ACTR3B: variants seen among roughly 807,000 people sequenced by gnomAD.
The protein encoded by ACTR3B is actin related protein 3B.
A neutral mutation model predicts 59.0 loss-of-function variants in ACTR3B; 8 were observed. The ratio of observed to expected loss-of-function variants is 0.14; its 90% CI spans 0.08 to 0.24. ACTR3B has a LOEUF of 0.24. ACTR3B is among the 10% of genes least tolerant of loss of function. ACTR3B has a pLI of 1.00. For missense variants in ACTR3B, 245 were observed against 552.3 expected, an observed-to-expected ratio of 0.44 and a Z score of 5.58; for synonymous variants, 148 against 197.9, an observed-to-expected ratio of 0.75 and a Z score of 2.12.
chr7:152,761,670 G>C (rs2098089791), intron 1 of ACTR3B, among the ~76,000 whole-genome samples: 1 of 152,138 alleles, frequency 6.6e-6, no homozygotes, highest in Admixed American at 6.5e-5. Flanking sequence ...CGGTGGCAGG[G>C]AATCTCCATA....
intron 2 of ACTR3B, among the ~76,000 whole-genome samples, chr7:152,789,983 C>T (rs1338167613): frequency 7.0e-6 from 1 of 143,040 alleles, no homozygotes; most frequent in African/African-American, 2.6e-5. Context: ...TGGTTTTGGA[C>T]ATTTGTACTC....
intron 1 of ACTR3B, among the ~76,000 whole-genome samples, chr7:152,766,324 A>G (rs938478532): frequency 1.3e-5 from 2 of 152,204 alleles, no homozygotes; most frequent in East Asian, 3.9e-4. Flanking sequence ...CTCCTCAGAG[A>G]CACAGGGCCC....
At chr7:152,765,244 A>G (rs2098105540) in intron 1 of ACTR3B, among the ~76,000 whole-genome samples, 1 of 150,896 alleles carries the variant, frequency 6.6e-6, no homozygotes, top group South Asian at 2.1e-4. Context: ...CAGCCTCCCA[A>G]GTAGCTGGGA....
intron 9 of ACTR3B, among the ~76,000 whole-genome samples, chr7:152,840,343 G>T (rs567486157): frequency 6.6e-6 from 1 of 151,854 alleles, no homozygotes; most frequent in African/African-American, 2.4e-5. Context: ...AGAACCCACT[G>T]TGCTTGTCGC....
At chr7:152,795,070 T>C (rs1442655030) in intron 2 of ACTR3B, among the ~76,000 whole-genome samples, 2 of 151,664 alleles carry the variant, frequency 1.3e-5, no homozygotes, top group Non-Finnish European at 2.9e-5. Flanking sequence ...AGTCTCACTT[T>C]GTCACCCAGG....
intron 9 of ACTR3B, among the ~76,000 whole-genome samples, chr7:152,843,757 G>T (rs2116972379): frequency 6.6e-6 from 1 of 152,320 alleles, no homozygotes; most frequent in African/African-American, 2.4e-5. Flanking sequence ...AGCAAAATGG[G>T]AATAGGAACA....
At position 152,854,177 on chromosome 7, in the gene ACTR3B, T is replaced by G. The variant is rs1208970562; in HGVS notation, c.1162-281T>G. Among the ~76,000 whole-genome samples, 3 of 152,146 alleles carry G rather than the reference T, an allele frequency of 2.0e-5. No homozygotes were observed. The highest frequency in any genetic ancestry group is 4.4e-5 in the Non-Finnish European group (3 of 68,034). On this transcript the variant is annotated intron_variant, in intron 11 of 11. Coordinates refer to ENST00000256001, the MANE Select transcript of ACTR3B (RefSeq NM_020445.6). The surrounding 1 kb of genome is among the most constrained non-coding windows in gnomAD (Gnocchi z 4.9). ...AATTCCAGTGACTTTTCCAAATAAT[T>G]ATTACTTTTCCCCCTCACATTTGTG... is the stretch of plus-strand genomic sequence containing the variant.
intron 10 of ACTR3B, 55 bp from the exon 11 acceptor site, chr7:152,853,439 T>G: frequency 6.5e-7 from 1 of 1,539,574 alleles, no homozygotes; most frequent in Non-Finnish European, 9.0e-7. Context: ...CGGGGGATGA[T>G]TAGATCACAT....
At chr7:152,842,023 T>C (rs1423023918) in intron 9 of ACTR3B, among the ~76,000 whole-genome samples, 1 of 152,170 alleles carries the variant, frequency 6.6e-6, no homozygotes, top group Admixed American at 6.5e-5. Context: ...CTGGCAGAAG[T>C]TCCTCAGCCC....
At chr7:152,852,807 C>G (rs1223861284) in intron 10 of ACTR3B, among the ~76,000 whole-genome samples, 1 of 151,406 alleles carries the variant, frequency 6.6e-6, no homozygotes, top group East Asian at 1.9e-4. Flanking sequence ...TTTCTTTTTT[C>G]TTGAGACAGA....
chr7:152,764,325 TG>T (rs1431315299), intron 1 of ACTR3B, among the ~76,000 whole-genome samples: 1 of 152,090 alleles, frequency 6.6e-6, no homozygotes, highest in African/African-American at 2.4e-5. Context: ...TCTTTAGACA[TG>T]TCTTCATTTT....
At chr7:152,820,794 A>C (rs1796084008) in intron 7 of ACTR3B, among the ~76,000 whole-genome samples, 1 of 152,260 alleles carries the variant, frequency 6.6e-6, no homozygotes, top group South Asian at 2.1e-4. Context: ...AGGCGACCAC[A>C]GCAGCAGAAC....
intron 2 of ACTR3B, among the ~76,000 whole-genome samples, chr7:152,790,926 A>G (rs1459896889): frequency 6.6e-6 from 1 of 151,980 alleles, no homozygotes; most frequent in Non-Finnish European, 1.5e-5. Context: ...GAAAGTAGTC[A>G]TGTCTTTTCT....
chr7:152,807,801 T>C (rs531014594), intron 4 of ACTR3B, among the ~76,000 whole-genome samples: 50 of 152,336 alleles, frequency 3.3e-4, no homozygotes, highest in Non-Finnish European at 5.6e-4. Flanking sequence ...CCTGTGCTCT[T>C]TTACGTATCG....
intron 9 of ACTR3B, among the ~76,000 whole-genome samples, chr7:152,833,090 G>T (rs1185539058): frequency 1.3e-5 from 2 of 152,210 alleles, no homozygotes; most frequent in African/African-American, 4.8e-5. Flanking sequence ...AGGGTCAAGA[G>T]GTAGCCCTTG....
intron 9 of ACTR3B, among the ~76,000 whole-genome samples, chr7:152,842,592 T>C (rs971064804): frequency 1.3e-5 from 2 of 152,222 alleles, no homozygotes; most frequent in Non-Finnish European, 2.9e-5. Context: ...CTTCCTTCAC[T>C]CGGTGCTTTT....
At chr7:152,845,795 C>A (rs528367483) in intron 9 of ACTR3B, among the ~76,000 whole-genome samples, 1 of 152,332 alleles carries the variant, frequency 6.6e-6, no homozygotes, top group Admixed American at 6.5e-5. Flanking sequence ...CCTTAGCCCC[C>A]GCTGAGAGCT....
intron 9 of ACTR3B, 74 bp downstream of exon 9, chr7:152,825,196 T>A (rs1195766696): frequency 1.7e-5 from 24 of 1,397,634 alleles, no homozygotes; most frequent in South Asian, 2.8e-5. Flanking sequence ...AAGACGGTAT[T>A]ACTGTCTATT....
chr7:152,762,364 T>C (rs1219141959), intron 1 of ACTR3B, among the ~76,000 whole-genome samples: 3 of 152,250 alleles, frequency 2.0e-5, no homozygotes, highest in South Asian at 2.1e-4. Flanking sequence ...TCAACTTTTT[T>C]TGAAATAATT....
Sources: allele counts gnomAD v4.1 joint callset (sites outside exome capture counted in the v4.1 genomes callset), GRCh38; gene constraint gnomAD v4.1.1; non-coding constraint Gnocchi (gnomAD v3.1); transcripts MANE v1.5; gene names NCBI Gene and HGNC (gene_info 2026-07-23, HGNC 2026-07-21).